PIK3R3: variants seen among roughly 807,000 people sequenced by gnomAD.
The protein encoded by PIK3R3 is phosphoinositide-3-kinase regulatory subunit 3.
Under a neutral mutation model 62.9 loss-of-function variants are expected in PIK3R3, and 64 were observed. That is an observed-to-expected ratio of 1.02 (90% confidence interval 0.83 to 1.25). PIK3R3 has a LOEUF of 1.25. Ranked by LOEUF, PIK3R3 falls within the 50% of genes most tolerant of loss-of-function variation. The pLI is 0.00. For synonymous variants in PIK3R3, 165 were observed against 189.0 expected, an observed-to-expected ratio of 0.87 and a Z score of 1.04; for missense variants, 614 against 561.6, an observed-to-expected ratio of 1.09 and a Z score of -0.94.
chr1:46,118,956 G>A (rs975391050), intron 1 of PIK3R3, among the ~76,000 whole-genome samples: 3 of 151,240 alleles, frequency 2.0e-5, no homozygotes, highest in Non-Finnish European at 4.4e-5. Context: ...CCTCAGGGTA[G>A]GTCATCTGAT....
At chr1:46,054,972 G>A (rs1003909755) in intron 7 of PIK3R3, among the ~76,000 whole-genome samples, 7 of 151,924 alleles carry the variant, frequency 4.6e-5, no homozygotes, top group African/African-American at 1.2e-4. Flanking sequence ...GCACGATCTC[G>A]GCTCACTGCA....
chr1:46,078,924 A>T (rs546277359), intron 2 of PIK3R3, among the ~76,000 whole-genome samples: 5 of 152,218 alleles, frequency 3.3e-5, no homozygotes, highest in African/African-American at 4.8e-5. Flanking sequence ...CTACAATTGA[A>T]TTCATAAGAC....
rs1436237695 is a variant in PIK3R3, at chr1:46,066,098, T to C, written c.577A>G (p.Lys193Glu). The C allele has an allele frequency of 7.5e-6, 12 of 1,605,772 alleles. No homozygotes were observed. Among genetic ancestry groups the C allele is most frequent in the African/African-American group, 1.3e-5 (1 of 74,784 alleles). The stretch of plus-strand genomic sequence containing the variant: ...TCTTCATACAGCCTATCATACTCTT[T>C]ACTCTTCTCCTGATACTGAGAGTGG... ...EYHSQYQEKS[K>E]EYDRLYEEYT... The change falls in exon 5 of 10, where the codon AAA becomes GAA. Residue 193 changes from lysine to glutamate, a missense_variant. Coordinates refer to ENST00000262741, the MANE Select transcript of PIK3R3 (RefSeq NM_003629.4).
At chr1:46,112,849 A>G (rs1456078776) in intron 1 of PIK3R3, among the ~76,000 whole-genome samples, 1 of 152,210 alleles carries the variant, frequency 6.6e-6, no homozygotes, top group African/African-American at 2.4e-5. Flanking sequence ...CCTCATTTTT[A>G]TGTAAGAGGC....
Position 46,041,741 on chromosome 1 carries a change from T to A in PIK3R3, c.*1932A>T, listed in dbSNP as rs1166283029. The A allele has an allele frequency of 4.9e-6, 1 of 202,218 alleles. No individual in the cohort carries two copies. The highest frequency in any genetic ancestry group is 7.6e-5 in the East Asian group (1 of 13,224). 12.5% of individuals were successfully genotyped at this position (202,218 alleles called of 1,614,324 possible). On this transcript the variant is annotated 3_prime_UTR_variant, in exon 10 of 10. Transcript: ENST00000262741. Reference sequence around the variant, plus strand: ...TTCAATTGACAGTTTGGGGAAGGGATGTGCTGGCTATTAGTTAAATGACTT... The same window carrying A: ...TTCAATTGACAGTTTGGGGAAGGGAAGTGCTGGCTATTAGTTAAATGACTT...
chr1:46,166,599 A>T, the PIK3R3 span, among the ~76,000 whole-genome samples: 1 of 152,116 alleles, frequency 6.6e-6, no homozygotes, highest in Non-Finnish European at 1.5e-5. Context: ...GCACACCCCT[A>T]GTTCGGCATG....
intron 3 of PIK3R3, among the ~76,000 whole-genome samples, chr1:46,068,535 G>A (rs1186636379): frequency 2.6e-5 from 4 of 152,164 alleles, no homozygotes; most frequent in African/African-American, 9.7e-5. Context: ...ATAAAGCAGA[G>A]TAAAGGGAAA....
At chr1:46,172,598 G>A in the PIK3R3 span, among the ~76,000 whole-genome samples, 1 of 152,212 alleles carries the variant, frequency 6.6e-6, no homozygotes, top group Non-Finnish European at 1.5e-5. Context: ...ACTGAGGTGG[G>A]AGGATAGATT....
the PIK3R3 span, among the ~76,000 whole-genome samples, chr1:46,173,949 G>A: frequency 2.0e-5 from 3 of 152,158 alleles, no homozygotes; most frequent in African/African-American, 7.2e-5. Flanking sequence ...TCTGGTGAGT[G>A]TGTCTGCATG....
chr1:46,146,896 G>C, the PIK3R3 span, among the ~76,000 whole-genome samples: 1 of 152,128 alleles, frequency 6.6e-6, no homozygotes, highest in African/African-American at 2.4e-5. Context: ...CTGCCTCAGA[G>C]CCTCACTCTC....
chr1:46,074,284 G>GT (rs1649836843), intron 3 of PIK3R3, among the ~76,000 whole-genome samples: 1 of 46,080 alleles, frequency 2.2e-5, no homozygotes, highest in Non-Finnish European at 3.7e-5. Flanking sequence ...GCTAGACTCC[G>GT]TCAAAAAAAA....
At chr1:46,053,690 G>A (rs1557557444) in intron 7 of PIK3R3, among the ~76,000 whole-genome samples, 2 of 152,122 alleles carry the variant, frequency 1.3e-5, no homozygotes, top group Non-Finnish European at 2.9e-5. Context: ...CTAGAACTGT[G>A]AGAAATTTCT....
the PIK3R3 span, among the ~76,000 whole-genome samples, chr1:46,164,715 C>G: frequency 2.6e-5 from 4 of 152,208 alleles, no homozygotes; most frequent in South Asian, 6.2e-4. Flanking sequence ...CTAACCTCGT[C>G]TCTTTCTACT....
intron 1 of PIK3R3, among the ~76,000 whole-genome samples, chr1:46,101,819 G>C (rs1414645560): frequency 3.9e-5 from 6 of 152,078 alleles, no homozygotes; most frequent in Non-Finnish European, 5.9e-5. Context: ...AATGGTTATA[G>C]AGTTTCTATA....
upstream of PIK3R3, chr1:46,132,929 G>A (rs1462356225): frequency 9.4e-6 from 11 of 1,165,336 alleles, no homozygotes; most frequent in African/African-American, 4.9e-5. Context: ...TACGATCCGG[G>A]CGCTGGCCGC....
At chr1:46,107,090 T>C (rs1653283216) in intron 1 of PIK3R3, among the ~76,000 whole-genome samples, 1 of 152,102 alleles carries the variant, frequency 6.6e-6, no homozygotes, top group Non-Finnish European at 1.5e-5. Context: ...AATAAGCAGC[T>C]CATGCCTGTA....
the PIK3R3 span, among the ~76,000 whole-genome samples, chr1:46,156,125 G>A: frequency 1.3e-5 from 2 of 152,092 alleles, no homozygotes; most frequent in Non-Finnish European, 2.9e-5. Flanking sequence ...GAGTTATTAT[G>A]AGCTGTGCTG....
At chr1:46,090,554 C>CAA (rs1651531701) in intron 1 of PIK3R3, among the ~76,000 whole-genome samples, 1 of 151,958 alleles carries the variant, frequency 6.6e-6, no homozygotes, top group Admixed American at 6.6e-5. Flanking sequence ...AGGCTGGTCT[C>CAA]AAACTCCTGA....
rs1167201103 is a variant in PIK3R3 at position 46,046,634 on chromosome 1, G to A, written c.942-9C>T. 1.9e-6 allele frequency: 3 copies of A among 1,600,302 alleles called. No individual in the cohort carries two copies. In the East Asian group the frequency reaches 6.7e-5, roughly 36 times the overall value. ...CTTTGTGATTGAGCCATCTGCCAGAGGAAAGACACCAGTGTCAGTATCCAT... is the reference window on the plus strand; with the variant it reads ...CTTTGTGATTGAGCCATCTGCCAGAAGAAAGACACCAGTGTCAGTATCCAT... On this transcript the variant is annotated splice_polypyrimidine_tract_variant and intron_variant, in intron 7 of 9. Transcript: ENST00000262741.
Sources: gnomAD v4.1 joint callset for allele counts (sites outside exome capture counted in the v4.1 genomes callset) on GRCh38, gnomAD v4.1.1 for gene constraint, MANE v1.5 for transcripts, NCBI Gene and HGNC (gene_info 2026-07-23, HGNC 2026-07-21) for gene names.